The following NXPH1 variants were observed in gnomAD, a reference collection of about 807,000 sequenced individuals.
NXPH1 encodes the protein neurexophilin 1, also known as neurexophilin-1.
NXPH1 carries 5 observed loss-of-function variants against 23.7 expected under a neutral mutation model. The ratio of observed to expected loss-of-function variants is 0.21; its 90% confidence interval spans 0.11 to 0.44. NXPH1 has a LOEUF of 0.44. NXPH1 is among the 20% of genes least tolerant of loss of function. The probability of loss-of-function intolerance (pLI) is 0.99; values close to 1 mark genes in which losing one functional copy is unlikely to be tolerated. For synonymous variants in NXPH1, 144 were observed against 122.2 expected (o/e 1.18, Z -1.18); for missense variants, 324 against 321.6 (o/e 1.01, Z -0.06).
At chr7:8,636,808 C>T (rs1820224545) in intron 2 of NXPH1, among the ~76,000 whole-genome samples, 1 of 152,182 alleles carries the variant, frequency 6.6e-6, no homozygotes, top group Admixed American at 6.5e-5. Context: ...CATTCATATT[C>T]TGTTAATTTG....
chr7:8,629,451 C>T (rs745467958), intron 2 of NXPH1, among the ~76,000 whole-genome samples: 1 of 152,058 alleles, frequency 6.6e-6, no homozygotes, highest in Non-Finnish European at 1.5e-5. Context: ...TGATAGGAGG[C>T]TTATAATGAC....
intron 2 of NXPH1, among the ~76,000 whole-genome samples, chr7:8,694,572 C>T (rs552912876): frequency 4.5e-4 from 69 of 152,198 alleles, no homozygotes; most frequent in African/African-American, 1.3e-3. Flanking sequence ...TCTCCTTAAA[C>T]GGGTTATAAT....
intron 2 of NXPH1, among the ~76,000 whole-genome samples, chr7:8,719,678 C>T (rs563687067): frequency 6.6e-6 from 1 of 152,148 alleles, no homozygotes; most frequent in African/African-American, 2.4e-5. Context: ...GAGCTGTCAG[C>T]CTGCAGCCTG....
intron 2 of NXPH1, among the ~76,000 whole-genome samples, chr7:8,724,206 T>C (rs1486868030): frequency 1.3e-5 from 2 of 152,288 alleles, no homozygotes; most frequent in East Asian, 1.9e-4. Flanking sequence ...TTCCTGTCCA[T>C]CTTTTTTCAA....
At position 8,685,795 on chromosome 7, in the gene NXPH1, G is replaced by C. The variant is rs571903264; in HGVS notation, c.55-65213G>C. Among the ~76,000 whole-genome samples the C allele has an allele frequency of 2.7e-5, 4 of 149,890 alleles. No individual in the cohort carries two copies. In the South Asian group the frequency reaches 8.5e-4, roughly 32 times the overall value. On this transcript the variant is annotated intron_variant, in intron 2 of 2. Coordinates refer to ENST00000405863, the MANE Select transcript of NXPH1 (RefSeq NM_152745.3). Reference sequence around the variant, plus strand: ...TGGGAAGGGTAGTGAGGGAATGGCGGGGGGAAGTGGGGATGGTTAATAGGT... The same window carrying C: ...TGGGAAGGGTAGTGAGGGAATGGCGCGGGGAAGTGGGGATGGTTAATAGGT...
At chr7:8,571,625 T>C (rs1040276601) in intron 2 of NXPH1, among the ~76,000 whole-genome samples, 1 of 151,992 alleles carries the variant, frequency 6.6e-6, no homozygotes, top group Non-Finnish European at 1.5e-5. Context: ...ACTGTTCTTC[T>C]ACAACAGAAC....
At chr7:8,436,688 T>G (rs1816202244) in intron 2 of NXPH1, among the ~76,000 whole-genome samples, 1 of 152,138 alleles carries the variant, frequency 6.6e-6, no homozygotes, top group Non-Finnish European at 1.5e-5. Context: ...GTGTTCAGTG[T>G]CCCGACCCCC....
chr7:8,686,265 GTGTT>G (rs1433744413), intron 2 of NXPH1, among the ~76,000 whole-genome samples: 1 of 152,008 alleles, frequency 6.6e-6, no homozygotes, highest in Admixed American at 6.6e-5. Context: ...TATTCCTCAA[GTGTT>G]TGGATGTTTC....
chr7:8,721,675 G>A (rs1017462227), intron 2 of NXPH1, among the ~76,000 whole-genome samples: 1 of 152,204 alleles, frequency 6.6e-6, no homozygotes, highest in African/African-American at 2.4e-5. Flanking sequence ...CTACTCGGGA[G>A]GCTGAGGCAG....
intron 2 of NXPH1, among the ~76,000 whole-genome samples, chr7:8,689,342 ATCAG>A (rs1221461879): frequency 5.3e-5 from 8 of 151,688 alleles, no homozygotes. Flanking sequence ...CCAACTTACT[ATCAG>A]TCAGCTCGCT....
intron 2 of NXPH1, among the ~76,000 whole-genome samples, chr7:8,463,256 C>T (rs988976745): frequency 2.6e-5 from 4 of 151,542 alleles, no homozygotes; most frequent in East Asian, 1.9e-4. Context: ...TTTCACTTAC[C>T]GTCTTGGAGG....
chr7:8,660,954 TC>T (rs1265168255), intron 2 of NXPH1, among the ~76,000 whole-genome samples: 1 of 137,398 alleles, frequency 7.3e-6, no homozygotes, highest in Non-Finnish European at 1.5e-5. Flanking sequence ...TTTATATCAT[TC>T]CTTTTTTTTT....
intron 2 of NXPH1, among the ~76,000 whole-genome samples, chr7:8,475,101 C>T (rs2128608992): frequency 6.6e-6 from 1 of 152,204 alleles, no homozygotes; most frequent in Admixed American, 6.5e-5. Context: ...AACTTGTTTT[C>T]CTGCAGTGTA....
At chr7:8,667,508 A>G (rs1820791693) in intron 2 of NXPH1, among the ~76,000 whole-genome samples, 1 of 149,000 alleles carries the variant, frequency 6.7e-6, no homozygotes, top group African/African-American at 2.5e-5. Flanking sequence ...TTTGCCATCC[A>G]TTATCTATTG....
chr7:8,581,253 G>A (rs1254647771), intron 2 of NXPH1, among the ~76,000 whole-genome samples: 2 of 152,104 alleles, frequency 1.3e-5, no homozygotes, highest in Non-Finnish European at 2.9e-5. Flanking sequence ...ATATGTATTA[G>A]TCCATTCTTG....
At chr7:8,612,952 G>T (rs2128629885) in intron 2 of NXPH1, among the ~76,000 whole-genome samples, 1 of 152,140 alleles carries the variant, frequency 6.6e-6, no homozygotes, top group South Asian at 2.1e-4. Context: ...GCTTTGTTGG[G>T]TAGGATGTGA....
chr7:8,729,746 A>T (rs1473651809), intron 2 of NXPH1, among the ~76,000 whole-genome samples: 1 of 151,252 alleles, frequency 6.6e-6, no homozygotes, highest in African/African-American at 2.4e-5. Flanking sequence ...TGCTGAGGAG[A>T]GCTTTACTTC....
At chr7:8,572,805 A>T (rs1475262917) in intron 2 of NXPH1, among the ~76,000 whole-genome samples, 2 of 152,074 alleles carry the variant, frequency 1.3e-5, no homozygotes, top group African/African-American at 4.8e-5. Context: ...GCAATTAAAA[A>T]TAGTTGGAAG....
At chr7:8,641,132 A>G (rs558160896) in intron 2 of NXPH1, among the ~76,000 whole-genome samples, 91 of 152,282 alleles carry the variant, frequency 6.0e-4, no homozygotes, top group African/African-American at 2.2e-3. Context: ...TATTCTTGAT[A>G]TTGATCTTTA....
Sources: gnomAD v4.1 joint callset for allele counts (sites outside exome capture counted in the v4.1 genomes callset) on GRCh38, gnomAD v4.1.1 for gene constraint, MANE v1.5 for transcripts, NCBI Gene and HGNC (gene_info 2026-07-23, HGNC 2026-07-21) for gene names.